NUP107: variants seen among roughly 807,000 people sequenced by gnomAD.
NUP107 encodes the protein nuclear pore complex protein Nup107.
Under a neutral mutation model 141.0 loss-of-function variants are expected in NUP107, and 101 were observed. The ratio of observed to expected loss-of-function variants is 0.72; its 90% CI spans 0.61 to 0.84. The LOEUF (loss-of-function observed/expected upper bound fraction) is 0.84. NUP107 is among the 40% of genes least tolerant of loss of function. The pLI is 0.00. For missense variants in NUP107, 941 were observed against 1,102.7 expected, an observed-to-expected ratio of 0.85 and a Z score of 2.08; for synonymous variants, 319 against 363.9, an observed-to-expected ratio of 0.88 and a Z score of 1.41.
At chr12:68,713,307 C>T (rs898855791) in intron 10 of NUP107, among the ~76,000 whole-genome samples, 2 of 147,822 alleles carry the variant, frequency 1.4e-5, no homozygotes, top group Admixed American at 6.9e-5. Context: ...TCCGGGAGGT[C>T]GAGGCTGCAG....
chr12:68,689,621 T>G lies in NUP107; in HGVS notation c.187+2T>G, dbSNP rs1455049071. ...CTCCTAGCTCATTTCGACAGCCTTG[T>G]AAGATTTTTTGCTTTTAAAGCATTT... On this transcript the variant is annotated splice_donor_variant, in intron 3 of 27. Transcript: ENST00000229179. LOFTEE classifies it high-confidence loss of function. The G allele has an allele frequency of 6.2e-7, 1 of 1,603,410 alleles. No individual in the cohort carries two copies. Among genetic ancestry groups the G allele is most frequent in the Non-Finnish European group, 8.5e-7 (1 of 1,173,966 alleles).
chr12:68,712,878 C>A (rs1876928951), intron 10 of NUP107, among the ~76,000 whole-genome samples: 1 of 151,824 alleles, frequency 6.6e-6, no homozygotes, highest in Non-Finnish European at 1.5e-5. Context: ...CTTGATGGCT[C>A]CCTCACTCCA....
At chr12:68,727,457 G>T in intron 20 of NUP107, 68 bp downstream of exon 20, 1 of 858,562 alleles carries the variant, frequency 1.2e-6, no homozygotes, top group Non-Finnish European at 1.9e-6. Flanking sequence ...TCAGAATGAT[G>T]CTATTTTAAT....
At chr12:68,702,278 C>T (rs1446668946) in intron 7 of NUP107, among the ~76,000 whole-genome samples, 3 of 151,860 alleles carry the variant, frequency 2.0e-5, no homozygotes, top group Middle Eastern at 3.4e-3. Context: ...CGAGAGCCAC[C>T]GTACCTGGCC....
chr12:68,737,638 T>A (rs1878135131), intron 26 of NUP107, among the ~76,000 whole-genome samples: 1 of 152,058 alleles, frequency 6.6e-6, no homozygotes, highest in Admixed American at 6.6e-5. Flanking sequence ...TCAGGGATTT[T>A]AAAATCAATA....
At chr12:68,690,382 C>T (rs1875724842) in intron 3 of NUP107, 1 of 527,870 alleles carries the variant, frequency 1.9e-6, no homozygotes, top group Non-Finnish European at 3.4e-6. Context: ...CTCAGTTATT[C>T]TATAATGAAA....
chr12:68,687,312 T>G, intron 1 of NUP107: 1 of 688,866 alleles, frequency 1.5e-6, no homozygotes, highest in Non-Finnish European at 2.2e-6. Context: ...TGCGATCTAT[T>G]CGGCGCTTTG....
chr12:68,737,088 T>A (rs1878107781), intron 26 of NUP107, among the ~76,000 whole-genome samples: 1 of 152,230 alleles, frequency 6.6e-6, no homozygotes, highest in Admixed American at 6.5e-5. Flanking sequence ...GCAAAACCTT[T>A]CTCATCTGAT....
rs1220416749 is a variant in NUP107 at position 68,719,445 on chromosome 12, T to C, written c.1174+14T>C. On this transcript the variant is annotated intron_variant, in intron 13 of 27. Transcript: ENST00000229179. ...ATGTTAATGGAGGTATTTTAGTAGA[T>C]TTTATTCTGACAGTTGAGGACAAAG... The C allele has an allele frequency of 6.4e-6, 10 of 1,569,244 alleles. No individual in the cohort carries two copies. The highest frequency in any genetic ancestry group is 8.7e-6 in the Non-Finnish European group (10 of 1,144,378).
At chr12:68,702,177 C>T (rs1441726465) in intron 7 of NUP107, among the ~76,000 whole-genome samples, 4 of 152,114 alleles carry the variant, frequency 2.6e-5, no homozygotes, top group South Asian at 4.1e-4. Context: ...TTAGTAGAGA[C>T]AGGGTTTTGC....
chr12:68,708,243 G>A (rs1427264787), intron 8 of NUP107, among the ~76,000 whole-genome samples: 1 of 152,076 alleles, frequency 6.6e-6, no homozygotes, highest in Non-Finnish European at 1.5e-5. Flanking sequence ...GTTTCAGTTA[G>A]TCTAACTTAT....
intron 4 of NUP107, among the ~76,000 whole-genome samples, 190 bp downstream of exon 4, chr12:68,690,936 T>G (rs553289414): frequency 2.0e-5 from 3 of 151,888 alleles, no homozygotes; most frequent in Admixed American, 2.0e-4. Context: ...AAAAATTAGC[T>G]GGGAGTGGTG....
chr12:68,689,105 C>G (rs780664405), intron 2 of NUP107, 52 bp downstream of exon 2: 1 of 1,435,722 alleles, frequency 7.0e-7, no homozygotes, highest in Admixed American at 1.8e-5. Context: ...TGTTTGGAAT[C>G]AGTGTTGTAG....
intron 2 of NUP107, 97 bp downstream of exon 2, chr12:68,689,150 A>G: frequency 1.1e-6 from 1 of 889,860 alleles, no homozygotes; most frequent in South Asian, 1.9e-5. Context: ...AATGGTAGCT[A>G]TAATAAAATC....
At chr12:68,706,656 G>T (rs1475947811) in intron 8 of NUP107, 2 of 723,450 alleles carry the variant, frequency 2.8e-6, no homozygotes, top group Non-Finnish European at 5.2e-6. Flanking sequence ...GCAGCATGGG[G>T]AGCTGGCAGT....
At chr12:68,733,294 C>T (rs1197965826) in intron 23 of NUP107, among the ~76,000 whole-genome samples, 158 bp from the exon 24 acceptor site, 1 of 152,162 alleles carries the variant, frequency 6.6e-6, no homozygotes, top group African/African-American at 2.4e-5. Flanking sequence ...AAAAGCCAGT[C>T]TATCAGGTAG....
intron 4 of NUP107, 106 bp from the exon 5 acceptor site, chr12:68,691,862 A>C: frequency 1.1e-6 from 1 of 924,312 alleles, no homozygotes; most frequent in Non-Finnish European, 1.5e-6. Flanking sequence ...AAAAAGACGC[A>C]TACATACATA....
chr12:68,711,045 A>G (rs1017156872), intron 10 of NUP107, among the ~76,000 whole-genome samples: 3 of 151,976 alleles, frequency 2.0e-5, no homozygotes, highest in African/African-American at 7.2e-5. Context: ...TCACGAAGTC[A>G]GGAGATCAAG....
At position 68,692,033 on chromosome 12, in the gene NUP107, A is replaced by T; in HGVS notation, c.369A>T (p.Thr123=). ...CATCACAGCGTTCCGGGCTGTTCAC[A>T]AACACAGAGCCCCACAGTATAACAG... ...AFSSQRSGLF[T]NTEPHSITED... The change falls in exon 5 of 28, where the codon ACA becomes ACT. Residue 123 remains threonine, a synonymous_variant. Coordinates refer to ENST00000229179, the MANE Select transcript of NUP107 (RefSeq NM_020401.4). The T allele has an allele frequency of 1.2e-6, 2 of 1,612,330 alleles. No individual in the cohort carries two copies. The highest frequency in any genetic ancestry group is 1.7e-6 in the Non-Finnish European group (2 of 1,178,922).
Sources: allele counts gnomAD v4.1 joint callset (sites outside exome capture counted in the v4.1 genomes callset), GRCh38; gene constraint gnomAD v4.1.1; transcripts MANE v1.5; gene names NCBI Gene and HGNC (gene_info 2026-07-23, HGNC 2026-07-21).